Variants in GPC5 observed in about 807,000 individuals in gnomAD.
GPC5 encodes glypican-5.
GPC5 carries 47 observed loss-of-function variants against 53.9 expected under a neutral mutation model. That is an observed-to-expected ratio of 0.87 (90% CI 0.69 to 1.11). GPC5 has a LOEUF of 1.11. Ranked by LOEUF, GPC5 falls within the 50% of genes most tolerant of loss-of-function variation. GPC5 has a pLI of 0.00. For missense variants in GPC5, 748 were observed against 713.1 expected (o/e 1.05, Z -0.56); for synonymous variants, 286 against 263.3 (o/e 1.09, Z -0.84).
intron 6 of GPC5, among the ~76,000 whole-genome samples, chr13:91,989,942 A>T (rs1037789921): frequency 5.9e-5 from 9 of 152,162 alleles, no homozygotes; most frequent in African/African-American, 1.9e-4. Context: ...ATTAAAAAAA[A>T]CTTCACCCTT....
intron 1 of GPC5, among the ~76,000 whole-genome samples, chr13:91,419,412 G>A (rs534160543): frequency 4.6e-5 from 7 of 152,226 alleles, no homozygotes; most frequent in East Asian, 3.9e-4. Flanking sequence ...GCAGAATAAC[G>A]CCTCAACACT....
chr13:92,036,095 C>T (rs1208045826), intron 6 of GPC5, among the ~76,000 whole-genome samples: 1 of 152,180 alleles, frequency 6.6e-6, no homozygotes, highest in Non-Finnish European at 1.5e-5. Context: ...ATGTGGCTGC[C>T]TTTTCTGTGT....
chr13:92,445,482 C>T (rs1877774379), intron 7 of GPC5, among the ~76,000 whole-genome samples: 1 of 120,732 alleles, frequency 8.3e-6, no homozygotes, highest in Non-Finnish European at 1.6e-5. Flanking sequence ...CACCCCACAA[C>T]AGTCCCCAGA....
chr13:91,531,526 A>T lies in GPC5; in HGVS notation c.325+82604A>T, dbSNP rs112305572. ...TTTTGAAAGCTGTAAGTAGCCCTAG[A>T]CTCCTTTAAGAACTTGTTCTTCACT... is the stretch of plus-strand genomic sequence containing the variant. On this transcript the variant is annotated intron_variant, in intron 2 of 7. Coordinates refer to ENST00000377067, the MANE Select transcript of GPC5 (RefSeq NM_004466.6). Among the ~76,000 whole-genome samples, 361 of 152,198 alleles carry T rather than the reference A, an allele frequency of 2.4e-3. 2 individuals are homozygous for T. Among genetic ancestry groups the T allele is most frequent in the African/African-American group, 8.1e-3 (338 of 41,536 alleles).
intron 6 of GPC5, among the ~76,000 whole-genome samples, chr13:91,919,730 G>GA (rs1020537741): frequency 9.2e-4 from 136 of 148,438 alleles, no homozygotes; most frequent in African/African-American, 2.9e-3. Context: ...TCTTTCTGGG[G>GA]AAAAAAAAAA....
chr13:92,193,162 G>A (rs746723853), intron 7 of GPC5, among the ~76,000 whole-genome samples: 11 of 131,410 alleles, frequency 8.4e-5, no homozygotes, highest in Admixed American at 1.6e-4. Flanking sequence ...GCGACAGAGC[G>A]AGACTCTGTC....
chr13:92,695,207 G>A (rs566399972), intron 7 of GPC5, among the ~76,000 whole-genome samples: 2 of 152,138 alleles, frequency 1.3e-5, no homozygotes, highest in Admixed American at 1.3e-4. Flanking sequence ...ATGCTTGTTG[G>A]CCACTTGTAT....
At chr13:91,872,755 A>G (rs1191547378) in intron 5 of GPC5, among the ~76,000 whole-genome samples, 6 of 152,290 alleles carry the variant, frequency 3.9e-5, no homozygotes, top group South Asian at 2.1e-4. Flanking sequence ...ACATTTGCAT[A>G]TTTTATATAC....
At chr13:92,141,964 C>A (rs1393477299) in intron 6 of GPC5, among the ~76,000 whole-genome samples, 1 of 152,146 alleles carries the variant, frequency 6.6e-6, no homozygotes, top group Non-Finnish European at 1.5e-5. Context: ...CCCTCAAGGG[C>A]AGCAGCATGG....
At chr13:91,811,189 CT>C (rs1303172234) in intron 5 of GPC5, among the ~76,000 whole-genome samples, 1 of 151,830 alleles carries the variant, frequency 6.6e-6, no homozygotes, top group Admixed American at 6.6e-5. Flanking sequence ...TGCCTTGACC[CT>C]TAAAATAATT....
chr13:92,732,257 C>T (rs1002222306), intron 7 of GPC5, among the ~76,000 whole-genome samples: 2 of 151,398 alleles, frequency 1.3e-5, no homozygotes, highest in African/African-American at 4.8e-5. Flanking sequence ...GATTCATATG[C>T]CATAACATAG....
At chr13:92,093,591 T>G (rs1237078022) in intron 6 of GPC5, among the ~76,000 whole-genome samples, 2 of 152,188 alleles carry the variant, frequency 1.3e-5, no homozygotes, top group Non-Finnish European at 2.9e-5. Context: ...TAAATATCTG[T>G]TTACAAATAT....
At chr13:91,817,913 T>C (rs1426120142) in intron 5 of GPC5, among the ~76,000 whole-genome samples, 1 of 152,178 alleles carries the variant, frequency 6.6e-6, no homozygotes, top group Admixed American at 6.5e-5. Context: ...TTCTTTCCTT[T>C]TTTTCTTAAA....
chr13:91,469,859 A>G (rs1463228492), intron 2 of GPC5, among the ~76,000 whole-genome samples: 2 of 152,036 alleles, frequency 1.3e-5, no homozygotes, highest in Middle Eastern at 3.2e-3. Context: ...GGCCAACATG[A>G]TGAAACCACG....
chr13:91,793,149 G>A (rs1210659981), intron 5 of GPC5, among the ~76,000 whole-genome samples: 2 of 152,162 alleles, frequency 1.3e-5, no homozygotes, highest in African/African-American at 4.8e-5. Flanking sequence ...AGCAGGGGAG[G>A]CCCAAGGAAA....
intron 2 of GPC5, among the ~76,000 whole-genome samples, chr13:91,506,164 C>G (rs1884931103): frequency 1.3e-5 from 2 of 151,946 alleles, no homozygotes; most frequent in African/African-American, 4.8e-5. Flanking sequence ...TTTCTGATTC[C>G]CAAGTTCATT....
At chr13:92,508,209 G>A (rs189892405) in intron 7 of GPC5, among the ~76,000 whole-genome samples, 3 of 152,068 alleles carry the variant, frequency 2.0e-5, no homozygotes, top group South Asian at 2.1e-4. Context: ...TGATCTTCCC[G>A]CCTCGGCCTC....
chr13:91,751,569 A>C (rs9523404), intron 4 of GPC5, among the ~76,000 whole-genome samples: 51,895 of 152,058 alleles, frequency 0.34, 10,578 homozygotes, highest in South Asian at 0.65. Context: ...AAACCTCATT[A>C]GTTCTTAAAG....
At chr13:91,625,576 TATCTAAAGGCTATGGGTATA>T (rs2033977473) in intron 2 of GPC5, among the ~76,000 whole-genome samples, 1 of 151,974 alleles carries the variant, frequency 6.6e-6, no homozygotes, top group South Asian at 2.1e-4. Flanking sequence ...ACAGACTTAA[TATCTAAAGGCTATGGGTATA>T]ATTTAAAATT....
Sources: gnomAD v4.1 joint callset for allele counts (sites outside exome capture counted in the v4.1 genomes callset) on GRCh38, gnomAD v4.1.1 for gene constraint, MANE v1.5 for transcripts, NCBI Gene and HGNC (gene_info 2026-07-23, HGNC 2026-07-21) for gene names.